The following MACROD2 variants were observed in gnomAD, a reference collection of about 807,000 sequenced individuals.
MACROD2 encodes mono-ADP ribosylhydrolase 2, also known as ADP-ribose glycohydrolase MACROD2.
MACROD2 carries 36 observed loss-of-function variants against 70.4 expected under a neutral mutation model. That is an observed-to-expected ratio of 0.51 (90% CI 0.39 to 0.68). The LOEUF (loss-of-function observed/expected upper bound fraction) is 0.68, where lower values mean the gene tolerates loss of function less well. Among genes scored for constraint, MACROD2 ranks in the 30% least tolerant of loss-of-function variants. The pLI is 0.00. For missense variants in MACROD2, 496 were observed against 538.4 expected (o/e 0.92, Z 0.78); for synonymous variants, 172 against 178.8 (o/e 0.96, Z 0.30).
intron 5 of MACROD2, among the ~76,000 whole-genome samples, chr20:15,175,436 A>G (rs972608370): frequency 1.3e-5 from 2 of 151,972 alleles, no homozygotes; most frequent in Non-Finnish European, 2.9e-5. Flanking sequence ...AATAATAATA[A>G]AAATAAAATT....
chr20:15,800,968 G>A (rs1235161837), intron 8 of MACROD2, among the ~76,000 whole-genome samples: 2 of 151,202 alleles, frequency 1.3e-5, no homozygotes, highest in Non-Finnish European at 2.9e-5. Context: ...GATGTGCTTT[G>A]TTAAACAGAT....
chr20:15,795,959 G>A (rs1369904532), intron 8 of MACROD2, among the ~76,000 whole-genome samples: 1 of 152,148 alleles, frequency 6.6e-6, no homozygotes, highest in African/African-American at 2.4e-5. Context: ...GTCATAAGAG[G>A]CTGGGAGATC....
At chr20:15,521,062 G>C (rs1040819515) in intron 8 of MACROD2, among the ~76,000 whole-genome samples, 7 of 152,316 alleles carry the variant, frequency 4.6e-5, no homozygotes, top group African/African-American at 1.7e-4. Context: ...TTTCCTGGCT[G>C]TGTGCTTTGT....
intron 8 of MACROD2, among the ~76,000 whole-genome samples, chr20:15,621,244 T>C (rs2049121394): frequency 6.6e-6 from 1 of 152,206 alleles, no homozygotes; most frequent in Non-Finnish European, 1.5e-5. Context: ...GTCTCTTCTC[T>C]CTATTTCAAA....
intron 13 of MACROD2, among the ~76,000 whole-genome samples, chr20:15,980,197 A>G (rs978071093): frequency 5.3e-5 from 8 of 152,202 alleles, no homozygotes; most frequent in Non-Finnish European, 1.2e-4. Context: ...TTGATTTTTA[A>G]CTACTGGGTT....
At chr20:15,338,447 A>C (rs1301346353) in intron 6 of MACROD2, among the ~76,000 whole-genome samples, 1 of 150,286 alleles carries the variant, frequency 6.7e-6, no homozygotes, top group East Asian at 1.9e-4. Flanking sequence ...TTTTCAAAAC[A>C]ACCTGGATTT....
At chr20:15,260,114 AAT>A (rs1290013668) in intron 6 of MACROD2, among the ~76,000 whole-genome samples, 1 of 151,778 alleles carries the variant, frequency 6.6e-6, no homozygotes, top group Admixed American at 6.6e-5. Context: ...TACCTTCAGC[AAT>A]AGTTTTTTTG....
chr20:14,449,760 T>G (rs1172258147), intron 3 of MACROD2, among the ~76,000 whole-genome samples: 2 of 152,136 alleles, frequency 1.3e-5, no homozygotes, highest in Non-Finnish European at 2.9e-5. Context: ...TCAGAAAACT[T>G]AAGCAGCTTG....
chr20:14,420,769 T>A (rs1306966358), intron 3 of MACROD2, among the ~76,000 whole-genome samples: 2 of 152,198 alleles, frequency 1.3e-5, no homozygotes, highest in Non-Finnish European at 2.9e-5. Context: ...CACAGCTCAC[T>A]GAAGCCTCAA....
intron 3 of MACROD2, among the ~76,000 whole-genome samples, chr20:14,373,902 G>A (rs2083349185): frequency 6.6e-6 from 1 of 152,140 alleles, no homozygotes; most frequent in Non-Finnish European, 1.5e-5. Flanking sequence ...AATATTGCAT[G>A]TGTATGTAGG....
chr20:15,846,637 A>G (rs115679340), intron 8 of MACROD2, among the ~76,000 whole-genome samples: 358 of 152,270 alleles, frequency 2.4e-3, no homozygotes, highest in African/African-American at 8.3e-3. Context: ...AGCAGTATCA[A>G]GAATATGCCA....
chr20:14,981,803 C>CTT (rs2074803749), intron 5 of MACROD2, among the ~76,000 whole-genome samples: 2 of 152,100 alleles, frequency 1.3e-5, no homozygotes, highest in African/African-American at 4.8e-5. Context: ...TCGGTTATGT[C>CTT]TTTATCAGCA....
intron 3 of MACROD2, among the ~76,000 whole-genome samples, chr20:14,359,546 A>G (rs1353511155): frequency 6.6e-6 from 1 of 152,264 alleles, no homozygotes; most frequent in Admixed American, 6.5e-5. Flanking sequence ...TAGCCAAGAT[A>G]TGGAATCAAC....
At chr20:15,737,443 C>T (rs1009508218) in intron 8 of MACROD2, among the ~76,000 whole-genome samples, 5 of 152,156 alleles carry the variant, frequency 3.3e-5, no homozygotes, top group East Asian at 3.8e-4. Flanking sequence ...GACACTGATG[C>T]GTGTGCCACA....
chr20:15,587,417 C>G (rs891037611), intron 8 of MACROD2, among the ~76,000 whole-genome samples: 5 of 152,154 alleles, frequency 3.3e-5, no homozygotes, highest in Non-Finnish European at 4.4e-5. Flanking sequence ...TCCTCCAAAT[C>G]TCATGTCCTC....
At chr20:14,541,311 C>T (rs1282147359) in intron 4 of MACROD2, among the ~76,000 whole-genome samples, 1 of 152,106 alleles carries the variant, frequency 6.6e-6, no homozygotes, top group Admixed American at 6.6e-5. Flanking sequence ...GTTCTGTCTG[C>T]ATGGATCTCT....
intron 3 of MACROD2, among the ~76,000 whole-genome samples, chr20:14,417,280 G>A (rs552606137): frequency 1.6e-4 from 24 of 152,258 alleles, no homozygotes; most frequent in African/African-American, 5.5e-4. Context: ...AGATAAATGC[G>A]TACATGTCTA....
chr20:14,144,230 T>A (rs1020823480), intron 3 of MACROD2, among the ~76,000 whole-genome samples: 4 of 152,218 alleles, frequency 2.6e-5, no homozygotes, highest in African/African-American at 9.6e-5. Flanking sequence ...ACTTTGAAAT[T>A]TTTTGATAAG....
chr20:15,721,626 A>C (rs1329370153), intron 8 of MACROD2, among the ~76,000 whole-genome samples: 1 of 152,170 alleles, frequency 6.6e-6, no homozygotes, highest in East Asian at 1.9e-4. Flanking sequence ...AATCATTTTT[A>C]ATTTATTTTT....
Sources: gnomAD v4.1 joint callset for allele counts (sites outside exome capture counted in the v4.1 genomes callset) on GRCh38, gnomAD v4.1.1 for gene constraint, MANE v1.5 for transcripts, NCBI Gene and HGNC (gene_info 2026-07-23, HGNC 2026-07-21) for gene names.